Variants in NRK observed in about 807,000 individuals in gnomAD.
NRK encodes the protein Nik related kinase, also known as nik-related protein kinase.
A neutral mutation model predicts 125.2 loss-of-function variants in NRK; 67 were observed. That is an observed-to-expected ratio of 0.54 (90% confidence interval 0.44 to 0.66). NRK has a LOEUF of 0.66. NRK is among the 30% of genes least tolerant of loss of function. The probability of loss-of-function intolerance (pLI) is 0.00; values close to 1 mark genes in which losing one functional copy is unlikely to be tolerated. For missense variants in NRK, 1,224 were observed against 1,192.9 expected, an observed-to-expected ratio of 1.03 and a Z score of -0.38; for synonymous variants, 458 against 429.0, an observed-to-expected ratio of 1.07 and a Z score of -0.84.
In NRK at chrX:105,943,953, A is replaced by G; in HGVS notation, c.3971A>G (p.Glu1324Gly). 1 of 1,139,266 alleles carries G rather than the reference A, an allele frequency of 8.8e-7. No homozygotes were observed. Among genetic ancestry groups the G allele is most frequent in the Non-Finnish European group, 1.2e-6 (1 of 839,878 alleles). The allele number at this position is 1,139,266 out of a possible 1,213,427, so 93.9% of individuals were successfully genotyped here. A position where few individuals can be genotyped will look rare whatever the true frequency, so the allele number is the denominator to read the frequency against. Residue 1324 changes from glutamate (E) to glycine (G), a missense_variant, in exon 24 of 29, where the codon GAA becomes GGA. Glu to Gly is a moderately conservative substitution (Grantham distance 98). Transcript: ENST00000243300. ...TTTATCATTATAGTCCAACATGAAGAAACAACATATATTGCAATTGCTTTG... is the reference window on the plus strand; with the variant it reads ...TTTATCATTATAGTCCAACATGAAGGAACAACATATATTGCAATTGCTTTG... ...CEHFSVLQHE[E>G]TTYIAIALKS...
chrX:105,893,712 A>C (rs966549194), intron 5 of NRK, 120 bp from the exon 6 acceptor site: 3 of 442,298 alleles, frequency 6.8e-6, no homozygotes, highest in Non-Finnish European at 7.8e-6. Flanking sequence ...TTGAGGCAGT[A>C]CTTGCAGTGC....
intron 2 of NRK, among the ~76,000 whole-genome samples, chrX:105,836,070 C>T (rs961408447): frequency 8.0e-5 from 9 of 112,152 alleles, no homozygotes; most frequent in African/African-American, 2.9e-4. Context: ...TGAGCTAATG[C>T]TCATGTCCCA....
chrX:105,854,355 T>G (rs776132777), intron 2 of NRK, among the ~76,000 whole-genome samples: 1 of 111,949 alleles, frequency 8.9e-6, no homozygotes, highest in East Asian at 2.8e-4. Flanking sequence ...GGTTGTAAGT[T>G]AACTCTTGGT....
At chrX:105,951,887 T>C (rs1309970225) in intron 27 of NRK, among the ~76,000 whole-genome samples, 2 of 112,853 alleles carry the variant, frequency 1.8e-5, no homozygotes, top group Non-Finnish European at 3.8e-5. Context: ...TGATCTATGT[T>C]GTTGTTGACA....
intron 2 of NRK, among the ~76,000 whole-genome samples, chrX:105,835,740 G>C (rs781394135): frequency 9.2e-6 from 1 of 109,215 alleles, no homozygotes; most frequent in East Asian, 2.9e-4. Context: ...TCATGAAAAG[G>C]AAAGGAACTG....
intron 11 of NRK, chrX:105,907,837 C>T (rs1363458453): frequency 1.8e-5 from 2 of 113,955 alleles, no homozygotes; most frequent in Non-Finnish European, 3.7e-5. Flanking sequence ...TAAGAATTTG[C>T]CTTCTCATTG....
intron 1 of NRK, among the ~76,000 whole-genome samples, chrX:105,826,401 A>ATATTATCATATATATAATATATATATAAT (rs773137605): frequency 1.7e-4 from 13 of 77,843 alleles, no homozygotes; most frequent in African/African-American, 6.3e-4. Context: ...ATATATATAT[A>ATATTATCATATATATAATATATATATAAT]ATATATATAT....
At chrX:105,826,058 A>C (rs548875) in intron 1 of NRK, among the ~76,000 whole-genome samples, 43,087 of 94,279 alleles carry the variant, frequency 0.46, 8,091 homozygotes, top group East Asian at 0.94. Context: ...CTCTCTCTCT[A>C]TATATATATA....
intron 1 of NRK, among the ~76,000 whole-genome samples, chrX:105,827,889 C>T (rs981122038): frequency 7.2e-5 from 8 of 111,825 alleles, no homozygotes; most frequent in African/African-American, 2.3e-4. Context: ...TAGATACGAA[C>T]ATCTACCTTC....
At chrX:105,827,697 A>G (rs2039133266) in intron 1 of NRK, among the ~76,000 whole-genome samples, 1 of 112,458 alleles carries the variant, frequency 8.9e-6, no homozygotes, top group East Asian at 2.8e-4. Flanking sequence ...AGAGATAACG[A>G]AAGTACAACA....
At chrX:105,921,018 A>G (rs1442625134) in intron 16 of NRK, among the ~76,000 whole-genome samples, 3 of 92,049 alleles carry the variant, frequency 3.3e-5, no homozygotes, top group Non-Finnish European at 6.5e-5. Context: ...GCTGCTATAA[A>G]GACACATGCA....
At chrX:105,935,094 T>A in intron 20 of NRK, 76 bp from the exon 21 acceptor site, 23 of 855,705 alleles carry the variant, frequency 2.7e-5, no homozygotes, top group Non-Finnish European at 2.8e-5. Flanking sequence ...GATTTTTCTT[T>A]AAAAAAAAAT....
At chrX:105,925,576 C>T (rs1052414036) in intron 19 of NRK, among the ~76,000 whole-genome samples, 1 of 110,830 alleles carries the variant, frequency 9.0e-6, no homozygotes, top group Admixed American at 9.6e-5. Flanking sequence ...GCATTTGGAT[C>T]CTTTAACCAG....
At chrX:105,862,831 T>A (rs2039619658) in intron 2 of NRK, among the ~76,000 whole-genome samples, 2 of 112,218 alleles carry the variant, frequency 1.8e-5, no homozygotes, top group Non-Finnish European at 3.8e-5. Flanking sequence ...TTAAATTTGT[T>A]TCCAGTGGGC....
intron 1 of NRK, among the ~76,000 whole-genome samples, chrX:105,829,543 C>A (rs2039159228): frequency 2.7e-5 from 3 of 111,738 alleles, no homozygotes; most frequent in Non-Finnish European, 5.6e-5. Flanking sequence ...GCAAAATAGG[C>A]TGCTAGACTA....
At chrX:105,955,338 C>T (rs1235571121) in intron 28 of NRK, among the ~76,000 whole-genome samples, 167 bp from the exon 29 acceptor site, 1 of 112,014 alleles carries the variant, frequency 8.9e-6, no homozygotes, top group East Asian at 2.8e-4. Flanking sequence ...ATAAATTAGA[C>T]TTCAAACTAA....
At chrX:105,833,526 G>C (rs771977475) in intron 2 of NRK, among the ~76,000 whole-genome samples, 11 of 111,094 alleles carry the variant, frequency 9.9e-5, no homozygotes, top group Admixed American at 4.8e-4. Flanking sequence ...TAAAAGCTCA[G>C]AGTCATATAA....
intron 19 of NRK, among the ~76,000 whole-genome samples, chrX:105,928,100 G>C (rs141959069): frequency 1.8e-5 from 2 of 111,293 alleles, no homozygotes; most frequent in Non-Finnish European, 3.8e-5. Context: ...GTAGAATGCA[G>C]CACTGATGCC....
In NRK at chrX:105,900,095, A is replaced by T. The variant is rs940055458; in HGVS notation, c.712-523A>T. ...GTACTAAACAGTTGGTAGTGAAGAGAATTTTCTAGAGTCTTTTTCTAGTCT... is the reference window on the plus strand; with the variant it reads ...GTACTAAACAGTTGGTAGTGAAGAGTATTTTCTAGAGTCTTTTTCTAGTCT... On this transcript the variant is annotated intron_variant, in intron 8 of 28. Transcript: ENST00000243300. Among the ~76,000 whole-genome samples the T allele has an allele frequency of 6.4e-5, 7 of 108,843 alleles. 1 individual carries two copies. Among genetic ancestry groups the T allele is most frequent in the Admixed American group, 2.0e-4 (2 of 10,093 alleles). The allele number at this position is 108,843 out of a possible 115,157, so 94.5% of individuals were successfully genotyped here. A position where few individuals can be genotyped will look rare whatever the true frequency, so the allele number is the denominator to read the frequency against.
Sources: allele counts gnomAD v4.1 joint callset (sites outside exome capture counted in the v4.1 genomes callset), GRCh38; gene constraint gnomAD v4.1.1; transcripts MANE v1.5; gene names NCBI Gene and HGNC (gene_info 2026-07-23, HGNC 2026-07-21).